PES1: variants seen among roughly 807,000 people sequenced by gnomAD.
PES1 encodes pescadillo homolog.
Under a neutral mutation model 77.1 loss-of-function variants are expected in PES1, and 31 were observed. That is an observed-to-expected ratio of 0.40 (90% CI 0.30 to 0.54). The LOEUF (loss-of-function observed/expected upper bound fraction) is 0.54, where lower values mean the gene tolerates loss of function less well. Among genes scored for constraint, PES1 ranks in the 20% least tolerant of loss-of-function variants. The pLI is 0.45. For missense variants in PES1, 658 were observed against 771.7 expected (o/e 0.85, Z 1.75); for synonymous variants, 282 against 303.0 (o/e 0.93, Z 0.72).
At chr22:30,599,345 T>C (rs956629037) in intron 2 of PES1, among the ~76,000 whole-genome samples, 3 of 152,192 alleles carry the variant, frequency 2.0e-5, no homozygotes, top group Admixed American at 6.6e-5. Flanking sequence ...TTAAGGGTGT[T>C]GGGGGTTTGG....
At chr22:30,598,013 A>G (rs919745977) in intron 2 of PES1, among the ~76,000 whole-genome samples, 1 of 150,604 alleles carries the variant, frequency 6.6e-6, no homozygotes, top group African/African-American at 2.4e-5. Context: ...CCTCCCAAGT[A>G]GCTGGGACTA....
chr22:30,592,496 A>T, upstream of PES1: 1 of 809,028 alleles, frequency 1.2e-6, no homozygotes, highest in South Asian at 5.6e-5. Flanking sequence ...CTCGTGGTAT[A>T]TTTAAAATGT....
chr22:30,589,179 C>G lies in PES1; in HGVS notation c.104+12G>C, dbSNP rs1189442867. 1.9e-6 allele frequency: 3 copies of G among 1,609,822 alleles called. No individual in the cohort carries two copies. In the South Asian group the frequency reaches 3.3e-5, roughly 18 times the overall value. On this transcript the variant is annotated intron_variant, in intron 2 of 14. Coordinates refer to ENST00000354694, the MANE Select transcript of PES1 (RefSeq NM_014303.4). ...TCACTGCCCGGGCTTCCCACGGTCC[C>G]TCTATATTCACCTAAAGTCAGCCAA...
At chr22:30,584,282 G>T in intron 6 of PES1, 83 bp downstream of exon 6, 1 of 1,122,004 alleles carries the variant, frequency 8.9e-7, no homozygotes, top group Non-Finnish European at 1.3e-6. Flanking sequence ...TAAACTCCAT[G>T]GACAGCAAAA....
At chr22:30,592,536 C>T, upstream of PES1, 1 of 514,018 alleles carries the variant, frequency 1.9e-6, no homozygotes, top group Non-Finnish European at 2.5e-6. Flanking sequence ...GTGGCGCACG[C>T]CTGTAATCCC....
intron 12 of PES1, 95 bp downstream of exon 12, chr22:30,579,656 A>T (rs2086951343): frequency 2.4e-6 from 3 of 1,224,710 alleles, no homozygotes; most frequent in Non-Finnish European, 3.5e-6. Context: ...TTCTGCTCCT[A>T]CTGCCTGTTC....
chr22:30,602,932 A>G (rs1408618056), intron 2 of PES1, among the ~76,000 whole-genome samples: 2 of 148,164 alleles, frequency 1.3e-5, no homozygotes, highest in African/African-American at 2.5e-5. Context: ...TGTGTGTGAG[A>G]AGGAGTCTCG....
chr22:30,604,399 G>A (rs929808548), intron 2 of PES1, among the ~76,000 whole-genome samples: 2 of 152,194 alleles, frequency 1.3e-5, no homozygotes, highest in Non-Finnish European at 2.9e-5. Context: ...TCGGGAGGCT[G>A]AGGCAGGCAG....
upstream of PES1, among the ~76,000 whole-genome samples, chr22:30,592,715 T>C (rs2087201588): frequency 6.6e-6 from 1 of 152,168 alleles, no homozygotes; most frequent in East Asian, 1.9e-4. Context: ...GAGAATCGCT[T>C]GAACCTGGGA....
intron 2 of PES1, among the ~76,000 whole-genome samples, chr22:30,597,877 G>GTTTTTTTTTTTTTTTTTTT (rs869064352): frequency 1.1e-5 from 1 of 90,576 alleles, no homozygotes; most frequent in Admixed American, 1.1e-4. Context: ...CGCAGTTGAA[G>GTTTTTTTTTTTTTTTTTTT]TTTTGTTTTT....
upstream of PES1, chr22:30,592,079 A>G: frequency 7.4e-7 from 1 of 1,342,412 alleles, no homozygotes; most frequent in East Asian, 3.0e-5. Flanking sequence ...CAATGGTTAC[A>G]AACACTTTAA....
chr22:30,580,712 A>G lies in PES1; in HGVS notation c.913-11T>C. ...CTGCGCTGACATCTCCTGTTGAGAA[A>G]GGGGCCAGGCCTCGCACCACCAGGG... On this transcript the variant is annotated splice_polypyrimidine_tract_variant and intron_variant, in intron 9 of 14. Transcript: ENST00000354694. The G allele has an allele frequency of 6.2e-7, 1 of 1,612,802 alleles. No homozygotes were observed. The highest frequency in any genetic ancestry group is 8.5e-7 in the Non-Finnish European group (1 of 1,179,988).
chr22:30,599,930 T>C (rs1334582135), intron 2 of PES1, among the ~76,000 whole-genome samples: 1 of 152,016 alleles, frequency 6.6e-6, no homozygotes, highest in African/African-American at 2.4e-5. Flanking sequence ...CAAAAATAAA[T>C]GAATATATAT....
rs770274520 is a variant in PES1 at position 30,580,084 on chromosome 22, G to A, written c.1138C>T (p.Arg380Trp). 9.3e-6 allele frequency: 15 copies of A among 1,613,984 alleles called. No individual in the cohort carries two copies. Among genetic ancestry groups the A allele is most frequent in the Admixed American group, 3.3e-5 (2 of 59,986 alleles). ...DSRITHQIVDRPGQQTSVIGR... is the reference protein window; with the variant it reads ...DSRITHQIVDWPGQQTSVIGR... ...ATGACTGAGGTCTGCTGCCCAGGCCGGTCGACAATCTGATGGGTGATGCGG... is the reference window on the plus strand; with the variant it reads ...ATGACTGAGGTCTGCTGCCCAGGCCAGTCGACAATCTGATGGGTGATGCGG... The change falls in exon 11 of 15, where the codon CGG becomes TGG. Residue 380 changes from arginine to tryptophan, a missense_variant. Transcript: ENST00000354694.
intron 2 of PES1, among the ~76,000 whole-genome samples, chr22:30,602,729 C>T (rs548382583): frequency 4.6e-5 from 7 of 152,178 alleles, no homozygotes; most frequent in East Asian, 1.9e-4. Flanking sequence ...ATCACCTCTT[C>T]TTGAAGTTTT....
At chr22:30,598,757 A>G (rs940761536) in intron 2 of PES1, among the ~76,000 whole-genome samples, 1 of 151,930 alleles carries the variant, frequency 6.6e-6, no homozygotes, top group African/African-American at 2.4e-5. Context: ...ATTTGTGTAT[A>G]TATGTGGTTA....
At chr22:30,597,098 C>T (rs955766005) in intron 2 of PES1, among the ~76,000 whole-genome samples, 35 of 152,170 alleles carry the variant, frequency 2.3e-4, no homozygotes, top group African/African-American at 6.3e-4. Flanking sequence ...GCTGCCTCCC[C>T]GTGGGGCAGG....
intron 2 of PES1, among the ~76,000 whole-genome samples, chr22:30,596,924 G>T (rs1320137006): frequency 6.6e-6 from 1 of 152,220 alleles, no homozygotes. Context: ...AGTTAAGGGT[G>T]GGCGTGAGCT....
chr22:30,580,785 A>C, intron 9 of PES1, 84 bp from the exon 10 acceptor site: 1 of 1,585,118 alleles, frequency 6.3e-7, no homozygotes. Flanking sequence ...CGTCCACTCC[A>C]GCTTCCTTCT....
Sources: gnomAD v4.1 joint callset for allele counts (sites outside exome capture counted in the v4.1 genomes callset) on GRCh38, gnomAD v4.1.1 for gene constraint, MANE v1.5 for transcripts, NCBI Gene and HGNC (gene_info 2026-07-23, HGNC 2026-07-21) for gene names.